Variants in TUSC3 observed in about 807,000 individuals in gnomAD.
TUSC3 encodes tumor suppressor candidate 3.
TUSC3 carries 45 observed loss-of-function variants against 44.8 expected under a neutral mutation model. That is an observed-to-expected ratio of 1.00 (90% CI 0.79 to 1.29). TUSC3 has a LOEUF of 1.29. Ranked by LOEUF, TUSC3 falls within the 50% of genes most tolerant of loss-of-function variation. The pLI is 0.00. For synonymous variants in TUSC3, 212 were observed against 152.9 expected (o/e 1.39, Z -2.85); for missense variants, 519 against 437.9 (o/e 1.19, Z -1.65).
intron 2 of TUSC3, among the ~76,000 whole-genome samples, chr8:15,495,263 C>T (rs965100802): frequency 6.6e-5 from 10 of 152,158 alleles, no homozygotes; most frequent in Non-Finnish European, 1.3e-4. Context: ...TGATTTCAGT[C>T]TTGGCTGGAG....
At chr8:15,832,092 T>C in the TUSC3 span, among the ~76,000 whole-genome samples, 143,180 of 152,264 alleles carry the variant, frequency 0.94, 67,405 homozygotes, top group Non-Finnish European at 0.96. Context: ...TAACAGTGGA[T>C]TGCTCAGCAG....
At chr8:15,723,379 G>A (rs1466066729) in intron 6 of TUSC3, among the ~76,000 whole-genome samples, 1 of 152,058 alleles carries the variant, frequency 6.6e-6, no homozygotes, top group African/African-American at 2.4e-5. Context: ...ATAAAGAACT[G>A]TTTTATTTCT....
At chr8:15,656,711 A>C (rs1353165951) in intron 3 of TUSC3, among the ~76,000 whole-genome samples, 1 of 152,190 alleles carries the variant, frequency 6.6e-6, no homozygotes, top group Non-Finnish European at 1.5e-5. Context: ...TTGGGATTTC[A>C]GCAGAGGCCC....
chr8:15,595,159 T>G (rs1328089287), intron 1 of TUSC3, among the ~76,000 whole-genome samples: 1 of 152,170 alleles, frequency 6.6e-6, no homozygotes, highest in Non-Finnish European at 1.5e-5. Context: ...AAAGCTGGGC[T>G]CTTAAGGCCG....
At chr8:15,446,715 T>C (rs1800108570) in intron 1 of TUSC3, among the ~76,000 whole-genome samples, 1 of 85,786 alleles carries the variant, frequency 1.2e-5, no homozygotes, top group Admixed American at 1.9e-4. Flanking sequence ...AGGGAGACCG[T>C]GGAAAGTGGG....
the TUSC3 span, among the ~76,000 whole-genome samples, chr8:15,774,739 G>A: frequency 6.6e-6 from 1 of 152,014 alleles, no homozygotes. Flanking sequence ...AATGTCATCA[G>A]TTACTCCGAA....
At chr8:15,563,685 C>CAAAAAAAAAAAAAAAAAAAAA (rs150368776) in intron 1 of TUSC3, among the ~76,000 whole-genome samples, 29 of 79,958 alleles carry the variant, frequency 3.6e-4, no homozygotes, top group East Asian at 1.9e-3. Flanking sequence ...GCCTCCATCT[C>CAAAAAAAAAAAAAAAAAAAAA]AAAAAAAAAA....
intron 2 of TUSC3, among the ~76,000 whole-genome samples, chr8:15,531,263 T>G (rs1356258653): frequency 6.6e-6 from 1 of 152,086 alleles, no homozygotes; most frequent in African/African-American, 2.4e-5. Context: ...TCTAAAGCTA[T>G]TTATTTATTT....
At chr8:15,539,345 CTTTTTTTTT>C (rs35685582), upstream of TUSC3, among the ~76,000 whole-genome samples, 2 of 69,396 alleles carry the variant, frequency 2.9e-5, no homozygotes, top group Non-Finnish European at 5.0e-5. Context: ...TGCTATGGTT[CTTTTTTTTT>C]TTTTTTTTTT....
At chr8:15,778,544 T>C in the TUSC3 span, among the ~76,000 whole-genome samples, 8 of 152,100 alleles carry the variant, frequency 5.3e-5, no homozygotes, top group Non-Finnish European at 1.2e-4. Flanking sequence ...GCGAACACAA[T>C]ATAAAAGCAG....
chr8:15,578,983 A>G (rs1438476378), intron 1 of TUSC3, among the ~76,000 whole-genome samples: 1 of 152,016 alleles, frequency 6.6e-6, no homozygotes, highest in East Asian at 1.9e-4. Context: ...GATTATTGCC[A>G]CAATTTCAGC....
chr8:15,686,610 C>T (rs933426306), intron 6 of TUSC3, among the ~76,000 whole-genome samples: 3 of 151,894 alleles, frequency 2.0e-5, no homozygotes, highest in African/African-American at 4.8e-5. Context: ...AGGATGCTAT[C>T]ATCCCATTTT....
intron 6 of TUSC3, among the ~76,000 whole-genome samples, chr8:15,721,478 CAG>C (rs1810302879): frequency 6.6e-6 from 1 of 151,914 alleles, no homozygotes; most frequent in African/African-American, 2.4e-5. Context: ...GACACACACA[CAG>C]AGATTATACT....
At chr8:15,760,366 C>T (rs544538000) in intron 10 of TUSC3, among the ~76,000 whole-genome samples, 7 of 152,262 alleles carry the variant, frequency 4.6e-5, no homozygotes, top group African/African-American at 1.2e-4. Context: ...TATTCCTATG[C>T]AGTTAACTAC....
chr8:15,429,804 C>T lies in TUSC3; in HGVS notation n.91+12499C>T, dbSNP rs562439226. On this transcript the variant is annotated intron_variant and non_coding_transcript_variant, in intron 1 of 5. Coordinates refer to the TUSC3 transcript ENST00000503191. ...TAAAAAATGACAAAGGGGATATCAC[C>T]ACCGATCCCACAGAAATACAAACTA... 9.0e-4 allele frequency among the ~76,000 whole-genome samples: 137 copies of T among 151,672 alleles called. 7 individuals carry two copies. The highest frequency in any genetic ancestry group is 3.2e-3 in the African/African-American group (132 of 41,038).
At chr8:15,564,754 G>A (rs1424042492) in intron 1 of TUSC3, among the ~76,000 whole-genome samples, 3 of 152,032 alleles carry the variant, frequency 2.0e-5, no homozygotes, top group East Asian at 1.9e-4. Context: ...GATCTGTGTC[G>A]TCTGCAGCTT....
chr8:15,690,197 A>G (rs1007165829), intron 6 of TUSC3, among the ~76,000 whole-genome samples: 1 of 152,100 alleles, frequency 6.6e-6, no homozygotes, highest in African/African-American at 2.4e-5. Context: ...TGTCTTTTTA[A>G]TAGGCATTCT....
At chr8:15,506,247 C>G (rs901370136) in intron 2 of TUSC3, among the ~76,000 whole-genome samples, 1 of 152,184 alleles carries the variant, frequency 6.6e-6, no homozygotes, top group Non-Finnish European at 1.5e-5. Context: ...CCCTGCCCTC[C>G]TCTCTCTCAG....
chr8:15,556,461 C>T (rs1477562466), intron 1 of TUSC3, among the ~76,000 whole-genome samples: 1 of 151,558 alleles, frequency 6.6e-6, no homozygotes, highest in African/African-American at 2.4e-5. Flanking sequence ...CCACAGTAAA[C>T]ATACGTGTGC....
Sources: allele counts gnomAD v4.1 joint callset (sites outside exome capture counted in the v4.1 genomes callset), GRCh38; gene constraint gnomAD v4.1.1; transcripts MANE v1.5; gene names NCBI Gene and HGNC (gene_info 2026-07-23, HGNC 2026-07-21).